Variants in ASTN2 observed in about 807,000 individuals in gnomAD.
ASTN2 encodes astrotactin-2.
In ASTN2, 54 loss-of-function variants were observed where a neutral mutation model predicts 139.8. That is an observed-to-expected ratio of 0.39 (90% CI 0.31 to 0.48). The LOEUF (loss-of-function observed/expected upper bound fraction) is 0.48, where lower values mean the gene tolerates loss of function less well. ASTN2 is among the 20% of genes least tolerant of loss of function. The pLI, the probability that ASTN2 is intolerant of heterozygous loss-of-function variation, is 0.95. For synonymous variants in ASTN2, 756 were observed against 719.5 expected (o/e 1.05, Z -0.81); for missense variants, 1,565 against 1,725.1 (o/e 0.91, Z 1.64).
At chr9:117,403,095 G>A (rs759790555) in intron 1 of ASTN2, among the ~76,000 whole-genome samples, 1 of 152,158 alleles carries the variant, frequency 6.6e-6, no homozygotes, top group Non-Finnish European at 1.5e-5. Context: ...CTAGGTAAAG[G>A]CCAGGGTGTC....
At chr9:117,168,498 T>C (rs1426940197) in intron 3 of ASTN2, among the ~76,000 whole-genome samples, 1 of 152,086 alleles carries the variant, frequency 6.6e-6, no homozygotes, top group Non-Finnish European at 1.5e-5. Flanking sequence ...TTTTAACTTA[T>C]ATTTGGAGGT....
At chr9:117,044,687 C>T (rs1041660387) in intron 5 of ASTN2, among the ~76,000 whole-genome samples, 6 of 152,172 alleles carry the variant, frequency 3.9e-5, no homozygotes, top group African/African-American at 1.2e-4. Context: ...TACTATGATC[C>T]AGGCACTGTG....
intron 20 of ASTN2, among the ~76,000 whole-genome samples, chr9:116,447,664 G>T (rs1007779673): frequency 1.3e-5 from 2 of 152,144 alleles, no homozygotes; most frequent in African/African-American, 4.8e-5. Flanking sequence ...CCTGTACAAC[G>T]GGAATCATAA....
intron 3 of ASTN2, among the ~76,000 whole-genome samples, chr9:117,156,322 A>G (rs10983554): frequency 0.053 from 8,042 of 152,076 alleles, 278 homozygotes; most frequent in Non-Finnish European, 0.08. Flanking sequence ...ACTATTTATA[A>G]CTCTCTTTAA....
chr9:117,045,999 T>A (rs201066762), intron 5 of ASTN2, among the ~76,000 whole-genome samples: 7 of 131,160 alleles, frequency 5.3e-5, no homozygotes, highest in Non-Finnish European at 1.6e-5. Flanking sequence ...TACGTATGTA[T>A]GTATGTATGT....
chr9:116,454,195 A>G (rs1299623100), intron 20 of ASTN2, among the ~76,000 whole-genome samples: 2 of 152,242 alleles, frequency 1.3e-5, no homozygotes, highest in Non-Finnish European at 2.9e-5. Flanking sequence ...AAATCAGATG[A>G]AATCCAATAT....
At chr9:117,386,300 C>T (rs377241223) in intron 1 of ASTN2, among the ~76,000 whole-genome samples, 22 of 152,266 alleles carry the variant, frequency 1.4e-4, no homozygotes, top group African/African-American at 3.1e-4. Flanking sequence ...TTGGAGAGAA[C>T]TGGAAATGCA....
chr9:117,132,451 A>G (rs531893207), intron 4 of ASTN2, among the ~76,000 whole-genome samples: 1 of 152,176 alleles, frequency 6.6e-6, no homozygotes, highest in Admixed American at 6.5e-5. Flanking sequence ...TTGTATCCCT[A>G]GGCCCCACCA....
intron 1 of ASTN2, among the ~76,000 whole-genome samples, chr9:117,318,335 A>T (rs1247896427): frequency 6.6e-6 from 1 of 152,172 alleles, no homozygotes; most frequent in East Asian, 1.9e-4. Flanking sequence ...AAAAATCAAC[A>T]TTTAAAAAAT....
intron 3 of ASTN2, among the ~76,000 whole-genome samples, chr9:117,212,383 G>A (rs1451466284): frequency 6.6e-6 from 1 of 150,864 alleles, no homozygotes; most frequent in African/African-American, 2.4e-5. Flanking sequence ...AAAAGCACAG[G>A]CAAAGAAAAA....
At chr9:116,511,578 G>A (rs958377129) in intron 19 of ASTN2, among the ~76,000 whole-genome samples, 5 of 152,176 alleles carry the variant, frequency 3.3e-5, no homozygotes, top group African/African-American at 1.2e-4. Flanking sequence ...AGAAGGAATG[G>A]TACGAGCTCT....
chr9:117,246,022 A>G (rs188629203), intron 2 of ASTN2, among the ~76,000 whole-genome samples: 163 of 152,282 alleles, frequency 1.1e-3, no homozygotes, highest in African/African-American at 3.8e-3. Flanking sequence ...CTTGCTTACA[A>G]CTATGTCCCT....
At chr9:117,312,516 C>T (rs1298818553) in intron 1 of ASTN2, among the ~76,000 whole-genome samples, 3 of 152,124 alleles carry the variant, frequency 2.0e-5, no homozygotes, top group African/African-American at 4.8e-5. Flanking sequence ...ATTAGTTTTC[C>T]AATCATCATT....
intron 3 of ASTN2, among the ~76,000 whole-genome samples, chr9:117,199,674 TG>T (rs1156346855): frequency 6.6e-6 from 1 of 151,862 alleles, no homozygotes; most frequent in East Asian, 1.9e-4. Context: ...AGAATGTCAA[TG>T]GTAGTTCGAT....
Position 116,699,664 on chromosome 9 carries a change from A to T in ASTN2, c.2806+26107T>A. On this transcript the variant is annotated intron_variant, in intron 16 of 22. Coordinates refer to ENST00000313400, the MANE Select transcript of ASTN2 (RefSeq NM_001365068.1). The surrounding 1 kb of genome is among the most constrained non-coding windows in gnomAD (Gnocchi z 4.2). ...TTGGACTGTTGGGATCATTGCATCA[A>T]GATCTACAGCTACCATCTGAGAAGA... The T allele has an allele frequency of 6.2e-7, 1 of 1,614,202 alleles. No individual in the cohort carries two copies. Among genetic ancestry groups the T allele is most frequent in the Non-Finnish European group, 8.5e-7 (1 of 1,180,028 alleles).
chr9:116,598,628 A>G (rs906105142), intron 19 of ASTN2, among the ~76,000 whole-genome samples: 1 of 152,244 alleles, frequency 6.6e-6, no homozygotes, highest in Non-Finnish European at 1.5e-5. Context: ...ACTTCTGTAA[A>G]GAGACAATAA....
At chr9:116,836,788 C>T (rs1462000438) in intron 11 of ASTN2, among the ~76,000 whole-genome samples, 1 of 151,966 alleles carries the variant, frequency 6.6e-6, no homozygotes, top group African/African-American at 2.4e-5. Flanking sequence ...TTATATAGGA[C>T]ATCCAGGGTT....
At position 116,820,863 on chromosome 9, in the gene ASTN2, G is replaced by A. The variant is rs983493918; in HGVS notation, c.2041-80C>T. 69 of 1,432,512 alleles carry A rather than the reference G, an allele frequency of 4.8e-5. 1 individual carries two copies. Among genetic ancestry groups the A allele is most frequent in the Non-Finnish European group, 6.2e-5 (66 of 1,060,004 alleles). 88.7% of individuals were successfully genotyped at this position (1,432,512 alleles called of 1,614,324 possible). ...TCACACCCTCTCCTCCCTCCTGGAA[G>A]AGACATGTGTCAGGGCCTGACAGAA... On this transcript the variant is annotated intron_variant, in intron 11 of 22. Coordinates refer to ENST00000313400, the MANE Select transcript of ASTN2 (RefSeq NM_001365068.1).
At chr9:116,659,926 T>C (rs1404329404) in intron 16 of ASTN2, among the ~76,000 whole-genome samples, 3 of 152,124 alleles carry the variant, frequency 2.0e-5, no homozygotes, top group Non-Finnish European at 2.9e-5. Context: ...ACACTTCTCA[T>C]CCTAAGCATC....
Sources: gnomAD v4.1 joint callset for allele counts (sites outside exome capture counted in the v4.1 genomes callset) on GRCh38, gnomAD v4.1.1 for gene constraint, Gnocchi (gnomAD v3.1) non-coding constraint, MANE v1.5 for transcripts, NCBI Gene and HGNC (gene_info 2026-07-23, HGNC 2026-07-21) for gene names.